The following GLG1 variants were observed in gnomAD, a reference collection of about 807,000 sequenced individuals.
GLG1 encodes golgi glycoprotein 1.
GLG1 carries 38 observed loss-of-function variants against 160.5 expected under a neutral mutation model. The observed-to-expected ratio is 0.24, with a 90% CI of 0.18 to 0.31. The LOEUF (loss-of-function observed/expected upper bound fraction) is 0.31. Ranked by LOEUF, GLG1 falls within the 10% of genes least tolerant of loss-of-function variation. The pLI is 1.00. For synonymous variants in GLG1, 644 were observed against 543.4 expected, an observed-to-expected ratio of 1.19 and a Z score of -2.57; for missense variants, 1,373 against 1,505.2, an observed-to-expected ratio of 0.91 and a Z score of 1.45.
chr16:74,529,085 G>A (rs1175947260), intron 2 of GLG1, among the ~76,000 whole-genome samples: 1 of 151,396 alleles, frequency 6.6e-6, no homozygotes, highest in African/African-American at 2.4e-5. Context: ...TCCCGCCTCA[G>A]TCTCTTGAGT....
chr16:74,451,295 G>C lies in GLG1; in HGVS notation c.*1872C>G, dbSNP rs557075511. ...TCAGGAAGACCCTACAAGCAGGACC[G>C]AGGGGACTAAGCAGCTTAGCAGCTT... On this transcript the variant is annotated 3_prime_UTR_variant, in exon 26 of 26. Transcript: ENST00000422840. 1.3e-4 allele frequency: 20 copies of C among 152,350 alleles called. No individual in the cohort carries two copies. The highest frequency in any genetic ancestry group is 4.6e-4 in the African/African-American group (19 of 41,576). 9.4% of individuals were successfully genotyped at this position (152,350 alleles called of 1,614,324 possible).
intron 1 of GLG1, among the ~76,000 whole-genome samples, chr16:74,551,700 G>T (rs1417523617): frequency 6.6e-6 from 1 of 151,546 alleles, no homozygotes; most frequent in Admixed American, 6.6e-5. Context: ...TGTATGGGGG[G>T]AGGGGGACCT....
intron 2 of GLG1, among the ~76,000 whole-genome samples, chr16:74,531,007 C>T (rs548745670): frequency 2.8e-4 from 43 of 152,196 alleles, no homozygotes; most frequent in Non-Finnish European, 5.0e-4. Flanking sequence ...ATTGTGAATA[C>T]TTTTTTACAA....
At position 74,453,007 on chromosome 16, in the gene GLG1, C is replaced by T. The variant is rs898643749; in HGVS notation, c.*160G>A. On this transcript the variant is annotated 3_prime_UTR_variant, in exon 26 of 26. Coordinates refer to ENST00000422840, the MANE Select transcript of GLG1 (RefSeq NM_001145667.2). Reference sequence around the variant, plus strand: ...GAGGAGGAGGAGGACACCATGGACACGAGTGGAGGCTGGATGGGACAACGC... The same window carrying T: ...GAGGAGGAGGAGGACACCATGGACATGAGTGGAGGCTGGATGGGACAACGC... The T allele has an allele frequency of 9.5e-6, 13 of 1,367,010 alleles. No homozygotes were observed. Among genetic ancestry groups the T allele is most frequent in the Admixed American group, 6.4e-5 (2 of 31,040 alleles). 84.7% of individuals were successfully genotyped at this position (1,367,010 alleles called of 1,614,324 possible).
In GLG1 at chr16:74,474,651, G is replaced by A; in HGVS notation, c.1966-19C>T. The A allele has an allele frequency of 8.3e-7, 1 of 1,202,996 alleles. No individual in the cohort carries two copies. Among genetic ancestry groups the A allele is most frequent in the South Asian group, 1.2e-5 (1 of 82,912 alleles). The allele number at this position is 1,202,996 out of a possible 1,614,324, so 74.5% of individuals were successfully genotyped here. On this transcript the variant is annotated intron_variant, in intron 12 of 25. Coordinates refer to ENST00000422840, the MANE Select transcript of GLG1 (RefSeq NM_001145667.2). ...CCAGCTCCTGCAAATATAAAGGCAA[G>A]CCACTGGCATTTATCAGTCACATAC...
rs11398047 is a variant in GLG1 at position 74,566,620 on chromosome 16, C to CTT, written c.439-34469_439-34468dup. Among the ~76,000 whole-genome samples, 773 of 152,028 alleles carry CTT rather than the reference C, an allele frequency of 5.1e-3. 7 individuals are homozygous for CTT. Among genetic ancestry groups the CTT allele is most frequent in the African/African-American group, 0.018 (726 of 41,462 alleles). On this transcript the variant is annotated intron_variant, in intron 1 of 25. Coordinates refer to ENST00000422840, the MANE Select transcript of GLG1 (RefSeq NM_001145667.2). ...GAAGAGTTAACCTCTGAGCAGGTCT[C>CTT]TTTTTTTCCCCTCCATGCCTATTCT...
At chr16:74,458,090 G>A in intron 23 of GLG1, 96 bp from the exon 24 acceptor site, 3 of 1,232,122 alleles carry the variant, frequency 2.4e-6, no homozygotes, top group East Asian at 2.4e-5. Flanking sequence ...AAAAAGGGGG[G>A]AAGTTGAGGG....
chr16:74,570,879 C>A (rs1057344712), intron 1 of GLG1, among the ~76,000 whole-genome samples: 5 of 152,230 alleles, frequency 3.3e-5, no homozygotes, highest in South Asian at 2.1e-4. Flanking sequence ...CAGCATAAGA[C>A]CCTGTCCGCC....
At chr16:74,605,802 TA>T (rs772120134) in intron 1 of GLG1, among the ~76,000 whole-genome samples, 5 of 152,162 alleles carry the variant, frequency 3.3e-5, no homozygotes, top group Non-Finnish European at 7.4e-5. Flanking sequence ...CCTTTAGGGC[TA>T]ATTTTATATA....
chr16:74,559,716 C>T (rs773739505), intron 1 of GLG1, among the ~76,000 whole-genome samples: 2 of 151,976 alleles, frequency 1.3e-5, no homozygotes, highest in Non-Finnish European at 2.9e-5. Context: ...ATTACGTCTT[C>T]GTATCATGTC....
chr16:74,495,566 T>C (rs1189055560), intron 5 of GLG1, among the ~76,000 whole-genome samples: 2 of 152,222 alleles, frequency 1.3e-5, no homozygotes. Flanking sequence ...GGAGAGACCA[T>C]TCTATTTAAA....
intron 1 of GLG1, among the ~76,000 whole-genome samples, chr16:74,571,312 C>T (rs955968926): frequency 6.6e-5 from 10 of 152,130 alleles, no homozygotes; most frequent in African/African-American, 9.7e-5. Flanking sequence ...GATAAGGGAT[C>T]CCATTGAGTA....
At chr16:74,485,978 T>C in intron 8 of GLG1, 61 bp from the exon 9 acceptor site, 4 of 1,351,030 alleles carry the variant, frequency 3.0e-6, no homozygotes, top group East Asian at 2.3e-5. Flanking sequence ...GTAAGAGCAG[T>C]GTCTTCATAC....
chr16:74,566,447 G>C (rs1376755819), intron 1 of GLG1, among the ~76,000 whole-genome samples: 1 of 152,066 alleles, frequency 6.6e-6, no homozygotes, highest in Non-Finnish European at 1.5e-5. Context: ...GAAACTTTTG[G>C]TTTATCTTTA....
At chr16:74,495,187 C>T (rs1468209491) in intron 5 of GLG1, among the ~76,000 whole-genome samples, 2 of 147,710 alleles carry the variant, frequency 1.4e-5, no homozygotes, top group African/African-American at 5.0e-5. Flanking sequence ...AATCTTAGCT[C>T]GGTGCAACCT....
chr16:74,549,276 T>C (rs981450450), intron 1 of GLG1, among the ~76,000 whole-genome samples: 1 of 152,210 alleles, frequency 6.6e-6, no homozygotes, highest in Non-Finnish European at 1.5e-5. Flanking sequence ...ACATATTCCT[T>C]GCAGGTGGAA....
intron 1 of GLG1, among the ~76,000 whole-genome samples, chr16:74,536,567 A>G (rs896006554): frequency 6.6e-6 from 1 of 152,228 alleles, no homozygotes; most frequent in Non-Finnish European, 1.5e-5. Context: ...AGATAGGCCT[A>G]AAGAATTAGA....
Position 74,452,308 on chromosome 16 carries a change from G to T in GLG1, c.*859C>A. On this transcript the variant is annotated 3_prime_UTR_variant, in exon 26 of 26. Transcript: ENST00000422840. Reference sequence around the variant, plus strand: ...TCCAGACATGGCTGAGTCCTGTGCTGCCCTGGAGGAGGAAGGTTCCTGGGA... The same window carrying T: ...TCCAGACATGGCTGAGTCCTGTGCTTCCCTGGAGGAGGAAGGTTCCTGGGA... The T allele has an allele frequency of 7.1e-7, 1 of 1,409,326 alleles. No individual in the cohort carries two copies. The highest frequency in any genetic ancestry group is 9.2e-7 in the Non-Finnish European group (1 of 1,082,534). 87.3% of individuals were successfully genotyped at this position (1,409,326 alleles called of 1,614,324 possible).
intron 10 of GLG1, among the ~76,000 whole-genome samples, chr16:74,481,526 A>G (rs562302265): frequency 1.3e-5 from 2 of 152,306 alleles, no homozygotes; most frequent in East Asian, 3.9e-4. Context: ...GATTAAGGCA[A>G]TACACTCAGT....
Sources: allele counts gnomAD v4.1 joint callset (sites outside exome capture counted in the v4.1 genomes callset), GRCh38; gene constraint gnomAD v4.1.1; transcripts MANE v1.5; gene names NCBI Gene and HGNC (gene_info 2026-07-23, HGNC 2026-07-21).